Variants in SPOCK3 observed in about 807,000 individuals in gnomAD.
SPOCK3 encodes testican-3.
SPOCK3 carries 30 observed loss-of-function variants against 56.6 expected under a neutral mutation model. The observed-to-expected ratio is 0.53, with a 90% CI of 0.40 to 0.72. The LOEUF is 0.72. Among genes scored for constraint, SPOCK3 ranks in the 30% least tolerant of loss-of-function variants. The pLI, the probability that SPOCK3 is intolerant of heterozygous loss-of-function variation, is 0.00. For missense variants in SPOCK3, 527 were observed against 530.0 expected (o/e 0.99, Z 0.06); for synonymous variants, 196 against 183.3 (o/e 1.07, Z -0.56).
At chr4:167,200,758 T>TTA (rs1199741935) in intron 2 of SPOCK3, among the ~76,000 whole-genome samples, 2 of 152,090 alleles carry the variant, frequency 1.3e-5, no homozygotes, top group African/African-American at 2.4e-5. Flanking sequence ...TTCTGTTGAG[T>TTA]TATAACACGT....
At chr4:167,110,923 A>AT (rs1760848932) in intron 2 of SPOCK3, among the ~76,000 whole-genome samples, 1 of 151,876 alleles carries the variant, frequency 6.6e-6, no homozygotes, top group Non-Finnish European at 1.5e-5. Context: ...ACTTTCTTTC[A>AT]TTTTTTTGAA....
At chr4:166,911,052 A>G (rs892076524) in intron 5 of SPOCK3, among the ~76,000 whole-genome samples, 1 of 152,178 alleles carries the variant, frequency 6.6e-6, no homozygotes, top group African/African-American at 2.4e-5. Flanking sequence ...TACTGGCAAC[A>G]GGAATTCACT....
chr4:167,181,161 C>T (rs1404594285), intron 2 of SPOCK3, among the ~76,000 whole-genome samples: 1 of 152,108 alleles, frequency 6.6e-6, no homozygotes, highest in Non-Finnish European at 1.5e-5. Context: ...TTAAACTTAA[C>T]ATTCTCCCTA....
intron 2 of SPOCK3, among the ~76,000 whole-genome samples, chr4:167,129,808 C>CA (rs1216238562): frequency 6.6e-6 from 1 of 151,960 alleles, no homozygotes; most frequent in African/African-American, 2.4e-5. Context: ...GAAAAACTGT[C>CA]AGTTTTGAAA....
intron 7 of SPOCK3, among the ~76,000 whole-genome samples, chr4:166,766,550 G>C (rs1435276600): frequency 1.3e-5 from 2 of 152,112 alleles, no homozygotes; most frequent in African/African-American, 4.8e-5. Flanking sequence ...ACTTGATCGT[G>C]GTGGATAAGC....
At chr4:166,838,732 C>T (rs1746900290) in intron 6 of SPOCK3, among the ~76,000 whole-genome samples, 1 of 139,392 alleles carries the variant, frequency 7.2e-6, no homozygotes, top group Admixed American at 7.9e-5. Context: ...GAGCGGATCA[C>T]AAAGTCAGGA....
intron 6 of SPOCK3, among the ~76,000 whole-genome samples, chr4:166,868,378 T>C (rs1426954828): frequency 2.0e-5 from 3 of 151,992 alleles, no homozygotes; most frequent in Middle Eastern, 3.4e-3. Flanking sequence ...GAGGATTGCG[T>C]AGGCCCAGGA....
At chr4:167,198,734 G>A (rs1733212358) in intron 2 of SPOCK3, among the ~76,000 whole-genome samples, 1 of 152,036 alleles carries the variant, frequency 6.6e-6, no homozygotes. Flanking sequence ...GAGAACGATA[G>A]TTCAAATCTG....
In SPOCK3 at chr4:167,025,241, A is replaced by T. The variant is rs547649899; in HGVS notation, c.236-24778T>A. On this transcript the variant is annotated intron_variant, in intron 3 of 10. Coordinates refer to ENST00000357545, the MANE Select transcript of SPOCK3 (RefSeq NM_001040159.2). ...GAATGCTTTTTTTTTTTTCCTTAGAAAAAACTGCCCATCTGCAGATGGTTT... is the reference window on the plus strand; with the variant it reads ...GAATGCTTTTTTTTTTTTCCTTAGATAAAACTGCCCATCTGCAGATGGTTT... Among the ~76,000 whole-genome samples, 3 of 151,476 alleles carry T rather than the reference A, an allele frequency of 2.0e-5. No homozygotes were observed. The South Asian group carries it at 6.3e-4, about 32-fold the overall frequency.
At chr4:167,208,055 C>T (rs938297523) in intron 2 of SPOCK3, among the ~76,000 whole-genome samples, 3 of 152,172 alleles carry the variant, frequency 2.0e-5, no homozygotes, top group African/African-American at 7.2e-5. Context: ...GAAGACCACC[C>T]CTACTCCCAG....
At chr4:166,946,143 C>T (rs909282802) in intron 4 of SPOCK3, among the ~76,000 whole-genome samples, 4 of 152,032 alleles carry the variant, frequency 2.6e-5, no homozygotes, top group African/African-American at 9.7e-5. Context: ...CTGTTTTGCT[C>T]ATAAAAATGT....
chr4:167,126,990 C>A (rs571692606), intron 2 of SPOCK3, among the ~76,000 whole-genome samples: 3 of 152,198 alleles, frequency 2.0e-5, no homozygotes, highest in African/African-American at 7.2e-5. Flanking sequence ...TACCATCATA[C>A]TGCAAAGTAC....
intron 2 of SPOCK3, among the ~76,000 whole-genome samples, chr4:167,123,488 C>T (rs1359289977): frequency 1.3e-5 from 2 of 150,612 alleles, no homozygotes; most frequent in Non-Finnish European, 1.5e-5. Context: ...ATGTGTAGAT[C>T]TGCAGCGATT....
chr4:166,828,188 A>T (rs996319807), intron 6 of SPOCK3, among the ~76,000 whole-genome samples: 2 of 152,052 alleles, frequency 1.3e-5, no homozygotes, highest in African/African-American at 4.8e-5. Flanking sequence ...TATTTTAAAT[A>T]CCATAGAACT....
intron 4 of SPOCK3, among the ~76,000 whole-genome samples, chr4:166,962,306 C>A (rs1744228814): frequency 6.6e-6 from 1 of 152,104 alleles, no homozygotes; most frequent in Non-Finnish European, 1.5e-5. Flanking sequence ...ATTTAGATGT[C>A]CTCTCAGTAA....
At chr4:166,798,143 AAAC>A (rs1232184811) in intron 6 of SPOCK3, among the ~76,000 whole-genome samples, 2 of 152,226 alleles carry the variant, frequency 1.3e-5, no homozygotes, top group African/African-American at 2.4e-5. Context: ...TCATTATAAT[AAAC>A]AACTATGCTA....
intron 3 of SPOCK3, among the ~76,000 whole-genome samples, chr4:167,030,625 C>T (rs1322503465): frequency 6.6e-6 from 1 of 151,890 alleles, no homozygotes; most frequent in Non-Finnish European, 1.5e-5. Context: ...ATGATTTGTA[C>T]CTCATTTTGT....
intron 6 of SPOCK3, among the ~76,000 whole-genome samples, chr4:166,812,984 G>A (rs1388118003): frequency 6.6e-6 from 1 of 151,850 alleles, no homozygotes; most frequent in Admixed American, 6.6e-5. Flanking sequence ...GTAGCATAAT[G>A]AATTTTCCAT....
intron 6 of SPOCK3, among the ~76,000 whole-genome samples, chr4:166,824,579 A>C (rs754375464): frequency 7.2e-5 from 11 of 152,120 alleles, no homozygotes; most frequent in Non-Finnish European, 1.3e-4. Flanking sequence ...ACACACAAAA[A>C]ATGAAATAAA....
Sources: gnomAD v4.1 joint callset for allele counts (sites outside exome capture counted in the v4.1 genomes callset) on GRCh38, gnomAD v4.1.1 for gene constraint, MANE v1.5 for transcripts, NCBI Gene and HGNC (gene_info 2026-07-23, HGNC 2026-07-21) for gene names.